The following THSD7B variants were observed in gnomAD, a reference collection of about 807,000 sequenced individuals.
The protein encoded by THSD7B is thrombospondin type 1 domain containing 7B.
THSD7B carries 138 observed loss-of-function variants against 213.6 expected under a neutral mutation model. The ratio of observed to expected loss-of-function variants is 0.65; its 90% confidence interval spans 0.56 to 0.74. The LOEUF (loss-of-function observed/expected upper bound fraction) is 0.74. Ranked by LOEUF, THSD7B falls within the 30% of genes least tolerant of loss-of-function variation. THSD7B has a pLI of 0.00. For missense variants in THSD7B, 1,931 were observed against 1,991.5 expected (o/e 0.97, Z 0.58); for synonymous variants, 742 against 687.0 (o/e 1.08, Z -1.25).
intron 12 of THSD7B, among the ~76,000 whole-genome samples, chr2:137,298,298 G>A (rs1331189263): frequency 6.6e-6 from 1 of 152,094 alleles, no homozygotes; most frequent in Non-Finnish European, 1.5e-5. Context: ...GGTACCTGGT[G>A]GAAGAAATTT....
At chr2:137,534,016 G>A (rs923790851) in intron 15 of THSD7B, among the ~76,000 whole-genome samples, 12 of 136,116 alleles carry the variant, frequency 8.8e-5, no homozygotes, top group Non-Finnish European at 1.6e-4. Flanking sequence ...GTGTGTGTGC[G>A]CGCACACACA....
At chr2:137,076,649 G>A (rs1477083470) in intron 3 of THSD7B, among the ~76,000 whole-genome samples, 1 of 152,176 alleles carries the variant, frequency 6.6e-6, no homozygotes, top group Non-Finnish European at 1.5e-5. Context: ...ACCTCAGTTG[G>A]AAATGCAGAA....
chr2:137,380,954 G>T (rs1024457859), intron 12 of THSD7B, among the ~76,000 whole-genome samples: 3 of 152,222 alleles, frequency 2.0e-5, no homozygotes, highest in Admixed American at 1.3e-4. Flanking sequence ...TTGTGCCACG[G>T]TGTGTACCCA....
intron 1 of THSD7B, among the ~76,000 whole-genome samples, chr2:136,874,673 T>TA (rs1683495900): frequency 2.6e-5 from 4 of 152,364 alleles, no homozygotes; most frequent in Admixed American, 2.6e-4. Flanking sequence ...CACTTTTTTT[T>TA]ATAGTCTCAA....
At chr2:137,039,224 C>T (rs1274581066) in intron 2 of THSD7B, among the ~76,000 whole-genome samples, 1 of 152,126 alleles carries the variant, frequency 6.6e-6, no homozygotes, top group Non-Finnish European at 1.5e-5. Flanking sequence ...CCTGAATCTT[C>T]CCCTTATTAC....
chr2:137,064,024 C>T (rs777480352), intron 3 of THSD7B, among the ~76,000 whole-genome samples: 2 of 151,852 alleles, frequency 1.3e-5, no homozygotes, highest in Non-Finnish European at 2.9e-5. Flanking sequence ...CTTTTGTGTC[C>T]GTAGCAGTGG....
chr2:137,577,390 A>T (rs1681486261), intron 17 of THSD7B, among the ~76,000 whole-genome samples: 1 of 152,084 alleles, frequency 6.6e-6, no homozygotes, highest in African/African-American at 2.4e-5. Flanking sequence ...GCTTGTTATC[A>T]TTCTTTCTTA....
chr2:137,375,648 A>T (rs890458735), intron 12 of THSD7B, among the ~76,000 whole-genome samples: 2 of 152,190 alleles, frequency 1.3e-5, no homozygotes, highest in Admixed American at 1.3e-4. Flanking sequence ...AGACTTCTAT[A>T]ATAGAATTTT....
At chr2:137,167,284 A>G (rs1680156764) in intron 6 of THSD7B, among the ~76,000 whole-genome samples, 1 of 151,694 alleles carries the variant, frequency 6.6e-6, no homozygotes, top group African/African-American at 2.4e-5. Flanking sequence ...TCTCACGGCA[A>G]CCTCCACCTC....
rs1158332226 is a variant in THSD7B, at chr2:137,170,846, G to C, written c.1631G>C (p.Arg544Pro). Residue 544 changes from arginine to proline, a missense_variant, in exon 7 of 28, where the codon CGA becomes CCA. Arg to Pro is a moderately radical substitution (Grantham distance 103). Coordinates refer to ENST00000409968, the MANE Select transcript of THSD7B (RefSeq NM_001316349.2). ...SVPCEDPMCYRWLASEGICFP... is the reference protein window; with the variant it reads ...SVPCEDPMCYPWLASEGICFP... ...CCTTGTGAGGATCCAATGTGCTACCGATGGCTGGCATCAGAAGGGATCTGT... is the reference window on the plus strand; with the variant it reads ...CCTTGTGAGGATCCAATGTGCTACCCATGGCTGGCATCAGAAGGGATCTGT... The C allele has an allele frequency of 6.2e-7, 1 of 1,613,692 alleles. No individual in the cohort carries two copies. The highest frequency in any genetic ancestry group is 1.1e-5 in the South Asian group (1 of 91,072).
intron 15 of THSD7B, among the ~76,000 whole-genome samples, chr2:137,490,952 C>T (rs959021669): frequency 6.6e-6 from 1 of 152,140 alleles, no homozygotes; most frequent in Non-Finnish European, 1.5e-5. Context: ...TCGAAACCTT[C>T]GTTTACATTT....
chr2:137,261,136 A>G lies in THSD7B; in HGVS notation c.2267-11397A>G, dbSNP rs2375458. ...CCCTTACTAGGCTTTAAGCACTACA[A>G]TAAGACCTAGAGAGGCTCACTGTTC... On this transcript the variant is annotated intron_variant, in intron 10 of 27. Coordinates refer to ENST00000409968, the MANE Select transcript of THSD7B (RefSeq NM_001316349.2). Among the ~76,000 whole-genome samples, 46 of 152,154 alleles carry G rather than the reference A, an allele frequency of 3.0e-4. 3 individuals carry two copies. In the South Asian group the frequency reaches 9.1e-3, roughly 30 times the overall value.
At chr2:136,972,770 G>A (rs1685424309) in intron 2 of THSD7B, among the ~76,000 whole-genome samples, 1 of 152,138 alleles carries the variant, frequency 6.6e-6, no homozygotes, top group Admixed American at 6.6e-5. Flanking sequence ...CATCACATAT[G>A]AATCACATGG....
intron 2 of THSD7B, among the ~76,000 whole-genome samples, chr2:136,959,107 G>A (rs1442097774): frequency 3.3e-5 from 5 of 152,180 alleles, no homozygotes; most frequent in Admixed American, 3.3e-4. Context: ...AAAGTCCCAA[G>A]GAAACTTTAG....
intron 7 of THSD7B, among the ~76,000 whole-genome samples, chr2:137,205,989 T>C (rs976410036): frequency 6.6e-6 from 1 of 152,046 alleles, no homozygotes; most frequent in Non-Finnish European, 1.5e-5. Flanking sequence ...TATATTCACA[T>C]ACAAATCTCT....
intron 10 of THSD7B, among the ~76,000 whole-genome samples, chr2:137,264,527 C>A (rs547014318): frequency 3.1e-4 from 47 of 152,208 alleles, no homozygotes; most frequent in African/African-American, 1.1e-3. Context: ...GAATTACAGG[C>A]GTGAGCCACC....
At chr2:137,361,118 AC>A (rs1488727870) in intron 12 of THSD7B, among the ~76,000 whole-genome samples, 2 of 152,196 alleles carry the variant, frequency 1.3e-5, no homozygotes, top group East Asian at 3.9e-4. Context: ...GCAAACTCCA[AC>A]AGACCTGTAG....
intron 2 of THSD7B, among the ~76,000 whole-genome samples, chr2:136,894,500 C>T (rs780980536): frequency 2.8e-4 from 43 of 152,128 alleles, no homozygotes; most frequent in Non-Finnish European, 2.8e-4. Flanking sequence ...ATCCAAAAAA[C>T]GGGAATGAAT....
intron 2 of THSD7B, among the ~76,000 whole-genome samples, chr2:137,053,835 T>A (rs951125751): frequency 2.6e-5 from 4 of 152,126 alleles, no homozygotes; most frequent in Admixed American, 6.5e-5. Context: ...CAAAAAAAAA[T>A]TTCCTTTAAC....
Sources: gnomAD v4.1 joint callset for allele counts (sites outside exome capture counted in the v4.1 genomes callset) on GRCh38, gnomAD v4.1.1 for gene constraint, MANE v1.5 for transcripts, NCBI Gene and HGNC (gene_info 2026-07-23, HGNC 2026-07-21) for gene names.